IWS1: variants seen among roughly 807,000 people sequenced by gnomAD.
IWS1 encodes the protein interacts with SUPT6H, CTD assembly factor 1.
In IWS1, 27 loss-of-function variants were observed where a neutral mutation model predicts 86.7. That is an observed-to-expected ratio of 0.31 (90% CI 0.23 to 0.43). IWS1 has a LOEUF of 0.43. Ranked by LOEUF, IWS1 falls within the 20% of genes least tolerant of loss-of-function variation. The pLI, the probability that IWS1 is intolerant of heterozygous loss-of-function variation, is 1.00. For synonymous variants in IWS1, 313 were observed against 335.1 expected, an observed-to-expected ratio of 0.93 and a Z score of 0.72; for missense variants, 827 against 1,000.8, an observed-to-expected ratio of 0.83 and a Z score of 2.34.
Position 127,503,369 on chromosome 2 carries a change from T to C in IWS1, c.1409+18A>G, listed in dbSNP as rs181148587. 8.6e-5 allele frequency: 137 copies of C among 1,592,564 alleles called. 1 individual carries two copies. In the East Asian group the frequency reaches 2.9e-3, roughly 34 times the overall value. On this transcript the variant is annotated intron_variant, in intron 4 of 13. Coordinates refer to ENST00000295321, the MANE Select transcript of IWS1 (RefSeq NM_017969.3). ...CTAATTAAGAACCCCTGAAAACTCA[T>C]GTTATACTGTCACTTACTCTTCTTC...
intron 4 of IWS1, 85 bp downstream of exon 4, chr2:127,503,302 G>T: frequency 1.0e-6 from 1 of 963,520 alleles, no homozygotes; most frequent in South Asian, 1.7e-5. Flanking sequence ...CATGCAATTA[G>T]GCAGGACATA....
At chr2:127,526,555 C>G, upstream of IWS1, 1 of 1,427,576 alleles carries the variant, frequency 7.0e-7, no homozygotes, top group Non-Finnish European at 9.4e-7. Context: ...AATGAGAAGA[C>G]GCAACAGCAA....
intron 2 of IWS1, among the ~76,000 whole-genome samples, chr2:127,508,837 T>C (rs895868069): frequency 1.3e-5 from 2 of 152,204 alleles, no homozygotes; most frequent in Non-Finnish European, 2.9e-5. Flanking sequence ...CAGTTACAGC[T>C]GGATCGGGGC....
At chr2:127,515,520 T>C (rs1374224020) in intron 2 of IWS1, among the ~76,000 whole-genome samples, 1 of 152,104 alleles carries the variant, frequency 6.6e-6, no homozygotes, top group Non-Finnish European at 1.5e-5. Context: ...AGAAGCATAA[T>C]AGGTCCCTTT....
At chr2:127,494,658 G>A (rs6722447) in intron 8 of IWS1, 262,604 of 358,974 alleles carry the variant, frequency 0.73, 98,084 homozygotes, top group East Asian at 0.8. Context: ...TTTTTCTTTC[G>A]TTAGTATCAA....
At chr2:127,508,567 G>C (rs1288969301) in intron 2 of IWS1, among the ~76,000 whole-genome samples, 2 of 152,114 alleles carry the variant, frequency 1.3e-5, no homozygotes, top group African/African-American at 4.8e-5. Context: ...TATTTTAGTT[G>C]AAACTACAGA....
rs144080702 is a variant in IWS1, at chr2:127,520,013, G to T, written c.150+3663C>A. On this transcript the variant is annotated intron_variant, in intron 2 of 13. Coordinates refer to ENST00000295321, the MANE Select transcript of IWS1 (RefSeq NM_017969.3). ...ACAGCCCTGGGACACCTTGATTTTA[G>T]TACAGTGTGACCCATTTTGGACTTG... 3.5e-3 allele frequency among the ~76,000 whole-genome samples: 528 copies of T among 152,244 alleles called. 5 individuals carry two copies. The highest frequency in any genetic ancestry group is 0.012 in the African/African-American group (490 of 41,552).
At chr2:127,483,577 GGGGGGTGGTGGGGT>G (rs1558736684) in intron 13 of IWS1, among the ~76,000 whole-genome samples, 501 of 47,572 alleles carry the variant, frequency 0.011, 61 homozygotes, top group African/African-American at 0.045. Context: ...TGGTCGGGGC[GGGGGGTGGTGGGGT>G]GGGGGGGTTG....
In IWS1 at chr2:127,499,350, A is replaced by G. The variant is rs1690683233; in HGVS notation, c.1468-1113T>C. ...TGTGAGCCGCCCACCTCGGCCTCCCAAAGTGCTGGGATTACAGGCGTGAGC... is the reference window on the plus strand; with the variant it reads ...TGTGAGCCGCCCACCTCGGCCTCCCGAAGTGCTGGGATTACAGGCGTGAGC... On this transcript the variant is annotated intron_variant, in intron 5 of 13. Transcript: ENST00000295321. The surrounding 1 kb of genome is among the most constrained non-coding windows in gnomAD (Gnocchi z 4.0). 2.0e-5 allele frequency among the ~76,000 whole-genome samples: 3 copies of G among 152,168 alleles called. No homozygotes were observed. The highest frequency in any genetic ancestry group is 1.3e-4 in the Admixed American group (2 of 15,274).
intron 6 of IWS1, among the ~76,000 whole-genome samples, chr2:127,496,852 A>T (rs1042304871): frequency 6.6e-6 from 1 of 152,208 alleles, no homozygotes; most frequent in Non-Finnish European, 1.5e-5. Flanking sequence ...TGTTGAGATT[A>T]CAGGCATAAG....
chr2:127,497,388 T>C (rs1463571875), intron 6 of IWS1, among the ~76,000 whole-genome samples: 1 of 152,164 alleles, frequency 6.6e-6, no homozygotes, highest in Non-Finnish European at 1.5e-5. Flanking sequence ...TTATATAGCA[T>C]GAGTAGAAAA....
chr2:127,495,094 C>T (rs1376062894), intron 7 of IWS1, 140 bp from the exon 8 acceptor site: 6 of 564,982 alleles, frequency 1.1e-5, no homozygotes, highest in African/African-American at 1.9e-5. Context: ...TAAGATGGAT[C>T]TTCTGCAGAG....
chr2:127,487,615 A>G (rs1573504113), intron 12 of IWS1, among the ~76,000 whole-genome samples: 1 of 152,300 alleles, frequency 6.6e-6, no homozygotes, highest in African/African-American at 2.4e-5. Context: ...CAGTGGCACA[A>G]TCTCAGCTCA....
chr2:127,507,694 A>G (rs1327419527), intron 2 of IWS1, among the ~76,000 whole-genome samples: 2 of 152,246 alleles, frequency 1.3e-5, no homozygotes, highest in Admixed American at 6.5e-5. Context: ...GAAGGCAGAC[A>G]TATTTTGGTT....
Position 127,489,297 on chromosome 2 carries a change from G to T in IWS1, c.2160-62C>A, listed in dbSNP as rs773679472. ...TAGAACCTAATAACTCAGAAAAAGA[G>T]CAAACTAAAAATCAAACTTAGACCA... On this transcript the variant is annotated intron_variant, in intron 11 of 13. Transcript: ENST00000295321. This position sits in a 1 kb window ranked among gnomAD's most constrained non-coding sequence, Gnocchi z 4.8. The T allele has an allele frequency of 5.6e-5, 69 of 1,241,998 alleles. No individual in the cohort carries two copies. The highest frequency in any genetic ancestry group is 7.8e-5 in the Non-Finnish European group (67 of 860,678). 76.9% of individuals were successfully genotyped at this position (1,241,998 alleles called of 1,614,324 possible).
chr2:127,513,513 C>T (rs979447883), intron 2 of IWS1, among the ~76,000 whole-genome samples: 1 of 151,868 alleles, frequency 6.6e-6, no homozygotes. Flanking sequence ...CAATTTGATA[C>T]CTAATTGTTA....
At chr2:127,508,365 T>A (rs536839828) in intron 2 of IWS1, among the ~76,000 whole-genome samples, 1 of 152,076 alleles carries the variant, frequency 6.6e-6, no homozygotes, top group Non-Finnish European at 1.5e-5. Flanking sequence ...AAAAAAGGTG[T>A]GCAGACAACA....
chr2:127,481,142 G>C lies in IWS1; in HGVS notation c.2362C>G (p.Leu788Val), dbSNP rs2105013005. 6.2e-7 allele frequency: 1 copy of C among 1,610,188 alleles called. No homozygotes were observed. The highest frequency in any genetic ancestry group is 2.2e-5 in the East Asian group (1 of 44,632). Reference sequence around the variant, plus strand: ...GTGAACTTTCTCATCTGTTTATCCAGTCGACTGATACCCTTCTTGGAGGTC... The same window carrying C: ...GTGAACTTTCTCATCTGTTTATCCACTCGACTGATACCCTTCTTGGAGGTC... ...QATSKKGISRLDKQMRKFTDI... is the reference protein window; with the variant it reads ...QATSKKGISRVDKQMRKFTDI... Residue 788 changes from leucine (L) to valine (V), a missense_variant, in exon 14 of 14, where the codon CTG becomes GTG. Physicochemically the swap from Leu to Val is conservative, Grantham distance 32. Transcript: ENST00000295321.
In IWS1 at chr2:127,506,877, T is replaced by C. The variant is rs146970986; in HGVS notation, c.151-1125A>G. Among the ~76,000 whole-genome samples the C allele has an allele frequency of 7.0e-3, 1,066 of 152,308 alleles. 14 individuals carry two copies. The highest frequency in any genetic ancestry group is 0.024 in the African/African-American group (1,002 of 41,566). ...TGGCTTTAAAATGCAGAGAAAAATA[T>C]ACAAAATTAAACATGCCAAAATACT... is the stretch of plus-strand genomic sequence containing the variant. On this transcript the variant is annotated intron_variant, in intron 2 of 13. Coordinates refer to ENST00000295321, the MANE Select transcript of IWS1 (RefSeq NM_017969.3).
Sources: gnomAD v4.1 joint callset for allele counts (sites outside exome capture counted in the v4.1 genomes callset) on GRCh38, gnomAD v4.1.1 for gene constraint, Gnocchi (gnomAD v3.1) non-coding constraint, MANE v1.5 for transcripts, NCBI Gene and HGNC (gene_info 2026-07-23, HGNC 2026-07-21) for gene names.